MYH1: variants seen among roughly 807,000 people sequenced by gnomAD.
MYH1 encodes the protein myosin-1.
A neutral mutation model predicts 225.6 loss-of-function variants in MYH1; 214 were observed. The observed-to-expected ratio is 0.95, with a 90% CI of 0.85 to 1.06. The LOEUF is 1.06. Among genes scored for constraint, MYH1 ranks in the 50% least tolerant of loss-of-function variants. The probability of loss-of-function intolerance (pLI) is 0.00; values close to 1 mark genes in which losing one functional copy is unlikely to be tolerated. For synonymous variants in MYH1, 774 were observed against 842.3 expected (o/e 0.92, Z 1.40); for missense variants, 2,098 against 2,344.2 (o/e 0.89, Z 2.17).
chr17:10,508,952 A>G (rs2073145330), intron 15 of MYH1, among the ~76,000 whole-genome samples: 1 of 152,194 alleles, frequency 6.6e-6, no homozygotes, highest in Non-Finnish European at 1.5e-5. Flanking sequence ...CCTGAGAGCA[A>G]TATTTCTCCA....
At chr17:10,517,461 T>C (rs993123656) in intron 2 of MYH1, among the ~76,000 whole-genome samples, 2 of 152,242 alleles carry the variant, frequency 1.3e-5, no homozygotes, top group Non-Finnish European at 2.9e-5. Flanking sequence ...TTAACATTTT[T>C]ATAACAATTT....
chr17:10,506,217 G>A, intron 17 of MYH1, 118 bp from the exon 18 acceptor site: 1 of 1,314,900 alleles, frequency 7.6e-7, no homozygotes, highest in Non-Finnish European at 1.0e-6. Context: ...GTATCCAGAT[G>A]AAAATTTTCA....
In MYH1 at chr17:10,499,072, C is replaced by T. The variant is rs370430052; in HGVS notation, c.3886G>A (p.Asp1296Asn). 1.2e-6 allele frequency: 2 copies of T among 1,613,674 alleles called. No individual in the cohort carries two copies. The highest frequency in any genetic ancestry group is 2.2e-5 in the South Asian group (2 of 91,062). Residue 1296 changes from aspartate (D) to asparagine (N), a missense_variant, in exon 29 of 40, where the codon GAT (aspartate) becomes AAT (asparagine). Coordinates refer to ENST00000226207, the MANE Select transcript of MYH1 (RefSeq NM_005963.4). ...TGTGAAACTAGTGTGTCCTTTTCAT[C>T]TAGCTGGCGTGAATATTCACCTGTA... is the stretch of plus-strand genomic sequence containing the variant. The part of the protein sequence containing the change: ...TESGEYSRQL[D>N]EKDTLVSQLS...
At chr17:10,508,324 T>G (rs2073136057) in intron 16 of MYH1, 39 bp downstream of exon 16, 1 of 1,550,728 alleles carries the variant, frequency 6.4e-7, no homozygotes, top group African/African-American at 1.4e-5. Context: ...TAGTTATGTT[T>G]TATACATTAG....
chr17:10,498,185 C>T (rs1241912366), intron 30 of MYH1, among the ~76,000 whole-genome samples: 1 of 152,230 alleles, frequency 6.6e-6, no homozygotes, highest in East Asian at 1.9e-4. Context: ...TTCCAGGTAG[C>T]TGGTTTATTC....
At chr17:10,510,932 C>T (rs1270751011) in intron 14 of MYH1, among the ~76,000 whole-genome samples, 1 of 149,762 alleles carries the variant, frequency 6.7e-6, no homozygotes, top group Non-Finnish European at 1.5e-5. Flanking sequence ...AATTATATCT[C>T]GATAAAGCTG....
chr17:10,495,397 C>T, intron 35 of MYH1, 80 bp from the exon 36 acceptor site: 1 of 1,480,410 alleles, frequency 6.8e-7, no homozygotes, highest in Non-Finnish European at 9.3e-7. Context: ...GAACCATAAA[C>T]TAATTAACTA....
chr17:10,507,961 G>C lies in MYH1; in HGVS notation c.1898-5C>G, dbSNP rs1388021911. 1 of 1,611,510 alleles carries C rather than the reference G, an allele frequency of 6.2e-7. No individual in the cohort carries two copies. The highest frequency in any genetic ancestry group is 1.7e-5 in the Admixed American group (1 of 59,922). On this transcript the variant is annotated splice_polypyrimidine_tract_variant and splice_region_variant and intron_variant, in intron 16 of 39. Coordinates refer to ENST00000226207, the MANE Select transcript of MYH1 (RefSeq NM_005963.4). ...CTTTCTTTCCACCGCCAGCCTCTGAGGGGAAAAAGAAAGCAATCATAGGAC... is the reference window on the plus strand; with the variant it reads ...CTTTCTTTCCACCGCCAGCCTCTGACGGGAAAAAGAAAGCAATCATAGGAC...
At chr17:10,503,273 A>T in intron 22 of MYH1, 25 bp from the exon 23 acceptor site, 1 of 1,601,610 alleles carries the variant, frequency 6.2e-7, no homozygotes, top group Non-Finnish European at 8.5e-7. Flanking sequence ...TAGATATTTT[A>T]GATTTTATGA....
chr17:10,512,893 A>C lies in MYH1; in HGVS notation c.878T>G (p.Met293Arg). Residue 293 changes from methionine (M) to arginine (R), a missense_variant, in exon 10 of 40, where the codon ATG (methionine) becomes AGG (arginine). Transcript: ENST00000226207. ...AATTAGATCTGGCTTCTTGTTAGACATGATCTGATAAAAAATATGATAGCT... is the reference window on the plus strand; with the variant it reads ...AATTAGATCTGGCTTCTTGTTAGACCTGATCTGATAAAAAATATGATAGCT... ...ERSYHIFYQI[M>R]SNKKPDLIEM... The C allele has an allele frequency of 6.2e-7, 1 of 1,613,202 alleles. No individual in the cohort carries two copies. Among genetic ancestry groups the C allele is most frequent in the Non-Finnish European group, 8.5e-7 (1 of 1,179,196 alleles).
rs566650196 is a variant in MYH1 at position 10,511,950 on chromosome 17, G to A, written c.1305C>T (p.Tyr435=). 5.0e-5 allele frequency: 80 copies of A among 1,614,142 alleles called. No homozygotes were observed. Among genetic ancestry groups the A allele is most frequent in the South Asian group, 7.7e-5 (7 of 91,078 alleles). ...TGACCATCCACAAGAACATCTTATC[G>A]TAGACAGCTTTGGCCAGAGCACCCA... ...NAVGALAKAV[Y]DKMFLWMVTR... Residue 435 remains tyrosine, a synonymous_variant, in exon 14 of 40, where the codon TAC becomes TAT. Coordinates refer to ENST00000226207, the MANE Select transcript of MYH1 (RefSeq NM_005963.4).
intron 34 of MYH1, 29 bp downstream of exon 34, chr17:10,496,212 T>C (rs2072992158): frequency 6.2e-7 from 1 of 1,614,156 alleles, no homozygotes; most frequent in East Asian, 2.2e-5. Flanking sequence ...ACCCCAATTG[T>C]CCTGGGATCA....
chr17:10,496,667 A>C, intron 33 of MYH1, 118 bp from the exon 34 acceptor site: 1 of 1,467,308 alleles, frequency 6.8e-7, no homozygotes, highest in Non-Finnish European at 9.2e-7. Flanking sequence ...AGTAGTAGTA[A>C]GATTTAAACA....
chr17:10,499,918 C>T (rs1451090644), intron 28 of MYH1, among the ~76,000 whole-genome samples: 2 of 152,180 alleles, frequency 1.3e-5, no homozygotes, highest in South Asian at 4.1e-4. Context: ...TTTGTTACCT[C>T]TACCTGGGGA....
chr17:10,496,947 A>T, intron 33 of MYH1, 122 bp downstream of exon 33: 1 of 1,305,016 alleles, frequency 7.7e-7, no homozygotes, highest in Non-Finnish European at 1.1e-6. Flanking sequence ...TCAGTTCTCC[A>T]TTCTCATCCC....
At chr17:10,518,184 G>A (rs1049007956) in intron 2 of MYH1, 56 bp downstream of exon 2, 1 of 151,284 alleles carries the variant, frequency 6.6e-6, no homozygotes, top group Admixed American at 6.6e-5. Context: ...CCAAACCACT[G>A]CAGAAGATTC....
chr17:10,502,575 T>C (rs1276498043), intron 24 of MYH1, among the ~76,000 whole-genome samples, 163 bp downstream of exon 24: 1 of 152,254 alleles, frequency 6.6e-6, no homozygotes, highest in African/African-American at 2.4e-5. Flanking sequence ...TTAAAAACTT[T>C]ATTGTGTGTA....
chr17:10,495,760 C>CAAAAAAAAAAAAAAAAAAAAA (rs3050883), intron 35 of MYH1, among the ~76,000 whole-genome samples, 190 bp downstream of exon 35: 557 of 42,116 alleles, frequency 0.013, 172 homozygotes, highest in Non-Finnish European at 0.016. Context: ...GACTCCGTCT[C>CAAAAAAAAAAAAAAAAAAAAA]AAAAAAAAAA....
Position 10,512,728 on chromosome 17 carries a change from T to G in MYH1, c.961A>C (p.Ile321Leu), listed in dbSNP as rs749915275. ...YDYAFVSQGE[I>L]TVPSIDDQEE... ...TGGTCATCAATGCTGGGCACTGTGATCTCCCCTTGACTGACGAAGGCATAA... is the reference window on the plus strand; with the variant it reads ...TGGTCATCAATGCTGGGCACTGTGAGCTCCCCTTGACTGACGAAGGCATAA... The change falls in exon 11 of 40, where the codon ATC (isoleucine) becomes CTC (leucine). Residue 321 changes from isoleucine (I) to leucine (L), a missense_variant. Transcript: ENST00000226207. 7 of 1,613,806 alleles carry G rather than the reference T, an allele frequency of 4.3e-6. No individual in the cohort carries two copies. The highest frequency in any genetic ancestry group is 5.1e-6 in the Non-Finnish European group (6 of 1,179,986).
Sources: gnomAD v4.1 joint callset for allele counts (sites outside exome capture counted in the v4.1 genomes callset) on GRCh38, gnomAD v4.1.1 for gene constraint, MANE v1.5 for transcripts, NCBI Gene and HGNC (gene_info 2026-07-23, HGNC 2026-07-21) for gene names.